Variants in PTPN14 observed in about 807,000 individuals in gnomAD.
PTPN14 encodes the protein tyrosine-protein phosphatase non-receptor type 14.
Under a neutral mutation model 126.8 loss-of-function variants are expected in PTPN14, and 53 were observed. That is an observed-to-expected ratio of 0.42 (90% CI 0.34 to 0.53). The LOEUF (loss-of-function observed/expected upper bound fraction) is 0.53. PTPN14 is among the 20% of genes least tolerant of loss of function. PTPN14 has a pLI of 0.08. For missense variants in PTPN14, 1,257 were observed against 1,552.9 expected, an observed-to-expected ratio of 0.81 and a Z score of 3.20; for synonymous variants, 630 against 599.3, an observed-to-expected ratio of 1.05 and a Z score of -0.75.
Position 214,394,829 on chromosome 1 carries a change from GACATT to G in PTPN14, c.846+65_846+69del, listed in dbSNP as rs1167004645. The stretch of plus-strand genomic sequence containing the variant: ...CTCAAGATAGGGAGAGCAAGGAAAG[GACATT>G]AGGAGTTGAAAAGTCCAAAAGCCAG... On this transcript the variant is annotated intron_variant, in intron 9 of 18. Transcript: ENST00000366956. 180 of 1,315,960 alleles carry G rather than the reference GACATT, an allele frequency of 1.4e-4. 1 individual carries two copies. In the Middle Eastern group the frequency reaches 3.3e-3, roughly 24 times the overall value. The allele number at this position is 1,315,960 out of a possible 1,614,324, so 81.5% of individuals were successfully genotyped here.
intron 11 of PTPN14, among the ~76,000 whole-genome samples, chr1:214,388,761 G>A (rs1238736454): frequency 3.3e-5 from 5 of 152,182 alleles, no homozygotes; most frequent in African/African-American, 1.2e-4. Flanking sequence ...TATTTTGAGA[G>A]AAGAATCTCA....
At chr1:214,386,054 T>C (rs1236180019) in intron 12 of PTPN14, among the ~76,000 whole-genome samples, 1 of 152,240 alleles carries the variant, frequency 6.6e-6, no homozygotes, top group African/African-American at 2.4e-5. Context: ...TTTTCTACCA[T>C]CTCTCTTTTT....
At chr1:214,489,258 G>A (rs1173234314) in intron 1 of PTPN14, among the ~76,000 whole-genome samples, 4 of 152,162 alleles carry the variant, frequency 2.6e-5, no homozygotes, top group African/African-American at 9.7e-5. Flanking sequence ...TATGGGTGAC[G>A]AAACTGAGGC....
chr1:214,433,935 CACACACACACACACACAAAAA>C (rs1226930558), intron 3 of PTPN14, among the ~76,000 whole-genome samples: 9 of 16,718 alleles, frequency 5.4e-4, no homozygotes, highest in Non-Finnish European at 6.5e-4. Flanking sequence ...CACACACACA[CACACACACACACACACAAAAA>C]AAAAAAAAAA....
At chr1:214,517,668 C>T (rs1377842725) in intron 1 of PTPN14, among the ~76,000 whole-genome samples, 1 of 152,034 alleles carries the variant, frequency 6.6e-6, no homozygotes, top group African/African-American at 2.4e-5. Context: ...AGGGACCCTT[C>T]CCTAGTCCCT....
At chr1:214,401,015 T>C (rs1286893268) in intron 7 of PTPN14, among the ~76,000 whole-genome samples, 1 of 152,186 alleles carries the variant, frequency 6.6e-6, no homozygotes, top group Non-Finnish European at 1.5e-5. Context: ...AGGTTTCTGA[T>C]AAATCTCCAT....
chr1:214,386,954 G>C (rs377654964), intron 11 of PTPN14, 32 bp from the exon 12 acceptor site: 7 of 1,534,062 alleles, frequency 4.6e-6, no homozygotes, highest in Non-Finnish European at 5.4e-6. Flanking sequence ...AGGTGGGGAG[G>C]CCTGGGCAGA....
At chr1:214,435,252 G>C (rs1362250825) in intron 3 of PTPN14, among the ~76,000 whole-genome samples, 1 of 152,006 alleles carries the variant, frequency 6.6e-6, no homozygotes. Context: ...GTGTGTGTGT[G>C]TGCGTGTGTG....
chr1:214,478,870 C>T (rs776313692), intron 1 of PTPN14, among the ~76,000 whole-genome samples: 8 of 152,098 alleles, frequency 5.3e-5, no homozygotes, highest in East Asian at 1.9e-4. Context: ...ATAAGATGTA[C>T]ATTTACATAA....
intron 3 of PTPN14, among the ~76,000 whole-genome samples, chr1:214,449,734 T>C (rs1472367835): frequency 6.6e-6 from 1 of 152,018 alleles, no homozygotes; most frequent in Non-Finnish European, 1.5e-5. Context: ...TAAATGTCTA[T>C]CACATGAAAA....
intron 1 of PTPN14, among the ~76,000 whole-genome samples, chr1:214,484,706 G>A (rs185770497): frequency 1.5e-3 from 227 of 152,290 alleles, no homozygotes; most frequent in African/African-American, 5.3e-3. Context: ...GTTTTGCGAG[G>A]GAAATGGGTA....
intron 7 of PTPN14, among the ~76,000 whole-genome samples, chr1:214,400,858 G>A (rs1658998433): frequency 6.6e-6 from 1 of 152,172 alleles, no homozygotes; most frequent in South Asian, 2.1e-4. Flanking sequence ...TGATGCACAT[G>A]GGCAGTTCTC....
chr1:214,450,963 G>A (rs1306312633), intron 3 of PTPN14, among the ~76,000 whole-genome samples: 1 of 152,078 alleles, frequency 6.6e-6, no homozygotes, highest in Non-Finnish European at 1.5e-5. Context: ...TTCTACTGAT[G>A]GCTTCTTGTC....
chr1:214,477,368 C>CA (rs1163585411), intron 1 of PTPN14, among the ~76,000 whole-genome samples: 1 of 152,184 alleles, frequency 6.6e-6, no homozygotes, highest in African/African-American at 2.4e-5. Flanking sequence ...CATGCACGTA[C>CA]ATGCACCACA....
rs1657737599 is a variant in PTPN14, at chr1:214,353,135, G to A, written c.*4787C>T. The A allele has an allele frequency of 6.6e-6, 1 of 152,058 alleles. No individual in the cohort carries two copies. The highest frequency in any genetic ancestry group is 2.4e-5 in the African/African-American group (1 of 41,398). The allele number at this position is 152,058 out of a possible 1,614,324, so 9.4% of individuals were successfully genotyped here. The stretch of plus-strand genomic sequence containing the variant: ...AGGGATTGACAGATCTTCCCCAAAC[G>A]AAAATCAGTAACGAAATAGTTGTCC... On this transcript the variant is annotated 3_prime_UTR_variant, in exon 19 of 19. Transcript: ENST00000366956.
Position 214,450,133 on chromosome 1 carries a change from AAAAT to A in PTPN14, c.344+1668_344+1671del, listed in dbSNP as rs57585964. On this transcript the variant is annotated intron_variant, in intron 3 of 18. Coordinates refer to ENST00000366956, the MANE Select transcript of PTPN14 (RefSeq NM_005401.5). ...AAGTGACAGAGCAAGACTCTATCTCAAAATAAATAAATAAATAAATAAATAAATA... is the reference window on the plus strand; with the variant it reads ...AAGTGACAGAGCAAGACTCTATCTCAAAATAAATAAATAAATAAATAAATA... 5.1e-3 allele frequency among the ~76,000 whole-genome samples: 716 copies of A among 140,546 alleles called. 6 individuals carry two copies. Among genetic ancestry groups the A allele is most frequent in the African/African-American group, 0.018 (658 of 37,256 alleles). The allele number at this position is 140,546 out of a possible 152,430, so 92.2% of individuals were successfully genotyped here.
intron 1 of PTPN14, among the ~76,000 whole-genome samples, chr1:214,490,845 GA>G (rs1661214967): frequency 1.9e-5 from 1 of 51,686 alleles, no homozygotes; most frequent in African/African-American, 9.2e-5. Context: ...GAAAGGAAAG[GA>G]AAGGAAGGGA....
intron 1 of PTPN14, among the ~76,000 whole-genome samples, chr1:214,485,764 C>T (rs938615303): frequency 7.9e-5 from 12 of 151,514 alleles, no homozygotes; most frequent in Admixed American, 3.9e-4. Context: ...CTCGCTCTGT[C>T]GCCCAGGCCA....
intron 10 of PTPN14, among the ~76,000 whole-genome samples, 156 bp from the exon 11 acceptor site, chr1:214,391,201 T>C (rs1347299566): frequency 6.6e-6 from 1 of 152,136 alleles, no homozygotes; most frequent in East Asian, 1.9e-4. Flanking sequence ...CTAAGAACAA[T>C]CTTGATTTGC....
Sources: allele counts gnomAD v4.1 joint callset (sites outside exome capture counted in the v4.1 genomes callset), GRCh38; gene constraint gnomAD v4.1.1; transcripts MANE v1.5; gene names NCBI Gene and HGNC (gene_info 2026-07-23, HGNC 2026-07-21).